Variants in SLCO1B3 observed in about 807,000 individuals in gnomAD.
The protein encoded by SLCO1B3 is liver-specific organic anion transporter 2.
In SLCO1B3, 72 loss-of-function variants were observed where a neutral mutation model predicts 71.8. The ratio of observed to expected loss-of-function variants is 1.00; its 90% CI spans 0.83 to 1.22. SLCO1B3 has a LOEUF of 1.22. SLCO1B3 is among the 50% of genes most tolerant of loss of function. SLCO1B3 has a pLI of 0.00. For missense variants in SLCO1B3, 911 were observed against 819.7 expected, an observed-to-expected ratio of 1.11 and a Z score of -1.36; for synonymous variants, 298 against 278.4, an observed-to-expected ratio of 1.07 and a Z score of -0.70.
At chr12:20,863,260 G>A (rs186453342) in intron 8 of SLCO1B3, among the ~76,000 whole-genome samples, 1,979 of 152,064 alleles carry the variant, frequency 0.013, 28 homozygotes, top group Non-Finnish European at 0.02. Context: ...TTACGGCAGG[G>A]GTGGGTTAAG....
chr12:20,879,458 T>G lies in SLCO1B3; in HGVS notation c.1158T>G (p.Val386=). 1.2e-6 allele frequency: 2 copies of G among 1,606,986 alleles called. No homozygotes were observed. The highest frequency in any genetic ancestry group is 2.2e-5 in the South Asian group (2 of 90,584). The change falls in exon 11 of 16, where the codon GTT becomes GTG. Residue 386 remains valine (V), a synonymous_variant. Coordinates refer to ENST00000381545, the MANE Select transcript of SLCO1B3 (RefSeq NM_019844.4). ...TAGGAATCATAACCATTCCTACGGTTGCAACTGGAATGTTTTTAGGAGGAT... is the reference window on the plus strand; with the variant it reads ...TAGGAATCATAACCATTCCTACGGTGGCAACTGGAATGTTTTTAGGAGGAT... ...FLLGIITIPT[V]ATGMFLGGFI...
intron 3 of SLCO1B3, among the ~76,000 whole-genome samples, chr12:20,833,450 A>T (rs1247512227): frequency 6.7e-6 from 1 of 149,500 alleles, no homozygotes; most frequent in Admixed American, 6.7e-5. Context: ...ATACACACAT[A>T]TATAGTTTGA....
At chr12:20,885,521 T>G (rs368546967) in intron 13 of SLCO1B3, among the ~76,000 whole-genome samples, 1 of 37,486 alleles carries the variant, frequency 2.7e-5, no homozygotes, top group Non-Finnish European at 1.3e-4. Context: ...GAAAGAAAAA[T>G]AAATCAGAGT....
intron 1 of SLCO1B3, among the ~76,000 whole-genome samples, chr12:20,811,609 G>A (rs1159054927): frequency 1.3e-5 from 2 of 152,146 alleles, no homozygotes; most frequent in Admixed American, 1.3e-4. Flanking sequence ...AGCAGAGGCT[G>A]GTAAGATTCT....
chr12:20,827,449 G>T (rs932139884), intron 3 of SLCO1B3, among the ~76,000 whole-genome samples: 5 of 152,048 alleles, frequency 3.3e-5, no homozygotes, highest in Admixed American at 6.6e-5. Flanking sequence ...TATATTTTTA[G>T]TAGTGAAACG....
chr12:20,855,835 A>G (rs1278401916), intron 4 of SLCO1B3, among the ~76,000 whole-genome samples: 4 of 151,622 alleles, frequency 2.6e-5, no homozygotes, highest in African/African-American at 9.7e-5. Flanking sequence ...TATTTTACAA[A>G]CTGCTAGCTT....
chr12:20,849,710 A>ATC (rs1376396868), intron 3 of SLCO1B3, among the ~76,000 whole-genome samples: 1 of 106,276 alleles, frequency 9.4e-6, no homozygotes, highest in East Asian at 3.9e-4. Context: ...ATAGTAGAAA[A>ATC]TCACACACAC....
intron 13 of SLCO1B3, among the ~76,000 whole-genome samples, chr12:20,893,641 GA>G (rs1005194454): frequency 6.6e-6 from 1 of 152,180 alleles, no homozygotes; most frequent in African/African-American, 2.4e-5. Flanking sequence ...ACAAGAAAGT[GA>G]AAGGGCTACA....
intron 3 of SLCO1B3, among the ~76,000 whole-genome samples, chr12:20,826,317 T>C (rs1240931720): frequency 6.6e-6 from 1 of 152,142 alleles, no homozygotes; most frequent in Non-Finnish European, 1.5e-5. Flanking sequence ...GAGAAAGTTA[T>C]TATCTCAATC....
Position 20,901,484 on chromosome 12 carries a change from A to C in SLCO1B3, c.1865+17A>C, listed in dbSNP as rs771939597. 9.4e-6 allele frequency: 12 copies of C among 1,275,650 alleles called. 1 individual carries two copies. The highest frequency in any genetic ancestry group is 2.0e-4 in the Middle Eastern group (1 of 5,088). The allele number at this position is 1,275,650 out of a possible 1,614,324, so 79.0% of individuals were successfully genotyped here. A position where few individuals can be genotyped will look rare whatever the true frequency, so the allele number is the denominator to read the frequency against. ...ATTTTTTGGGTAAGTTGTCGTAAAC[A>C]CATTTCATTAATAGATTTTTTCTTT... is the stretch of plus-strand genomic sequence containing the variant. On this transcript the variant is annotated intron_variant, in intron 15 of 15. Transcript: ENST00000381545.
At chr12:20,829,700 A>G (rs1476985693) in intron 3 of SLCO1B3, among the ~76,000 whole-genome samples, 1 of 152,192 alleles carries the variant, frequency 6.6e-6, no homozygotes, top group Non-Finnish European at 1.5e-5. Flanking sequence ...TTAAGAAAGT[A>G]AAGGAATAAA....
chr12:20,866,943 G>A (rs1456299928), intron 8 of SLCO1B3, among the ~76,000 whole-genome samples: 1 of 152,086 alleles, frequency 6.6e-6, no homozygotes, highest in Non-Finnish European at 1.5e-5. Flanking sequence ...ATGACAAGAA[G>A]GCCTGAACAA....
chr12:20,824,500 A>G lies in SLCO1B3; in HGVS notation c.84+8678A>G, dbSNP rs191751661. Among the ~76,000 whole-genome samples, 1,114 of 152,296 alleles carry G rather than the reference A, an allele frequency of 7.3e-3. 6 individuals carry two copies. Among genetic ancestry groups the G allele is most frequent in the South Asian group, 0.029 (139 of 4,826 alleles). On this transcript the variant is annotated intron_variant, in intron 3 of 15. Coordinates refer to ENST00000381545, the MANE Select transcript of SLCO1B3 (RefSeq NM_019844.4). ...GGATTAAAGTAAAACAACAATTGTG[A>G]ATGACAAAAATCTTAGAACAGCCAT...
intron 3 of SLCO1B3, among the ~76,000 whole-genome samples, chr12:20,827,879 A>G (rs1318138342): frequency 1.3e-5 from 2 of 152,122 alleles, no homozygotes; most frequent in African/African-American, 4.8e-5. Context: ...CCAATTTCTT[A>G]TGACCTGTTT....
Position 20,901,366 on chromosome 12 carries a change from A to C in SLCO1B3, c.1764A>C (p.Pro588=). The C allele has an allele frequency of 6.3e-7, 1 of 1,578,720 alleles. No homozygotes were observed. The highest frequency in any genetic ancestry group is 1.2e-5 in the South Asian group (1 of 83,212). The change falls in exon 15 of 16, where the codon CCA becomes CCC. Residue 588 remains proline (P), a synonymous_variant. Coordinates refer to ENST00000381545, the MANE Select transcript of SLCO1B3 (RefSeq NM_019844.4). ...VIRTLGGILA[P]IYFGALIDKT... ...ATGTTGCAGGAGGAATTCTAGCTCC[A>C]ATATATTTTGGGGCTCTGATTGATA... is the stretch of plus-strand genomic sequence containing the variant.
At chr12:20,860,760 A>G (rs1865245958) in intron 5 of SLCO1B3, among the ~76,000 whole-genome samples, 1 of 152,116 alleles carries the variant, frequency 6.6e-6, no homozygotes, top group South Asian at 2.1e-4. Context: ...ACCAGATTAT[A>G]AGCACTCTTA....
At chr12:20,875,119 A>C (rs1212334157) in intron 8 of SLCO1B3, 116 bp from the exon 9 acceptor site, 3 of 1,260,518 alleles carry the variant, frequency 2.4e-6, no homozygotes, top group Non-Finnish European at 3.4e-6. Flanking sequence ...AATTGAAAGT[A>C]AACATTTGGT....
At chr12:20,827,827 C>T (rs1864459018) in intron 3 of SLCO1B3, among the ~76,000 whole-genome samples, 1 of 152,138 alleles carries the variant, frequency 6.6e-6, no homozygotes, top group African/African-American at 2.4e-5. Context: ...CTTGGCCTTC[C>T]AAAGTGCTGA....
intron 13 of SLCO1B3, among the ~76,000 whole-genome samples, chr12:20,893,698 C>G (rs1865948219): frequency 6.6e-6 from 1 of 151,866 alleles, no homozygotes; most frequent in African/African-American, 2.4e-5. Context: ...ATATGAGTTT[C>G]CCTGGGAAAA....
Sources: allele counts gnomAD v4.1 joint callset (sites outside exome capture counted in the v4.1 genomes callset), GRCh38; gene constraint gnomAD v4.1.1; transcripts MANE v1.5; gene names NCBI Gene and HGNC (gene_info 2026-07-23, HGNC 2026-07-21).